FTO: variants seen among roughly 807,000 people sequenced by gnomAD.
FTO encodes FTO alpha-ketoglutarate dependent dioxygenase, also known as alpha-ketoglutarate-dependent dioxygenase FTO.
Under a neutral mutation model 63.9 loss-of-function variants are expected in FTO, and 47 were observed. The ratio of observed to expected loss-of-function variants is 0.74; its 90% CI spans 0.58 to 0.94. The LOEUF (loss-of-function observed/expected upper bound fraction) is 0.94. Among genes scored for constraint, FTO ranks in the 40% least tolerant of loss-of-function variants. FTO has a pLI of 0.00. For synonymous variants in FTO, 207 were observed against 224.4 expected, an observed-to-expected ratio of 0.92 and a Z score of 0.69; for missense variants, 562 against 618.1, an observed-to-expected ratio of 0.91 and a Z score of 0.96.
At position 53,790,579 on chromosome 16, in the gene FTO, C is replaced by CAAA. The variant is rs34860208; in HGVS notation, c.46-19542_46-19540dup. On this transcript the variant is annotated intron_variant, in intron 1 of 8. Transcript: ENST00000471389. ...TAAAGAAAACAAAACCAAAATAAAG[C>CAAA]AAAAAAAAAAAAAAAAAAAAAGGAG... Among the ~76,000 whole-genome samples the CAAA allele has an allele frequency of 4.4e-3, 240 of 55,170 alleles. 2 individuals carry two copies. The highest frequency in any genetic ancestry group is 0.017 in the African/African-American group (222 of 13,152). 36.2% of individuals were successfully genotyped at this position (55,170 alleles called of 152,430 possible). A position where few individuals can be genotyped will look rare whatever the true frequency, so the allele number is the denominator to read the frequency against.
chr16:54,063,255 C>A (rs993458618), intron 8 of FTO, among the ~76,000 whole-genome samples: 1 of 152,192 alleles, frequency 6.6e-6, no homozygotes. Context: ...TACTGCTGAA[C>A]TGCTGATGTT....
chr16:53,969,423 C>A (rs1260240370), intron 8 of FTO, among the ~76,000 whole-genome samples: 1 of 152,158 alleles, frequency 6.6e-6, no homozygotes, highest in East Asian at 1.9e-4. Context: ...CTAGATCAGA[C>A]ATGTAGACTA....
chr16:53,987,647 G>A (rs1331105464), intron 8 of FTO, among the ~76,000 whole-genome samples: 1 of 150,648 alleles, frequency 6.6e-6, no homozygotes, highest in Non-Finnish European at 1.5e-5. Flanking sequence ...CTATGGGTTT[G>A]TGCACACAGA....
intron 1 of FTO, among the ~76,000 whole-genome samples, chr16:53,763,627 C>A (rs747356720): frequency 6.6e-6 from 1 of 152,066 alleles, no homozygotes; most frequent in Non-Finnish European, 1.5e-5. Flanking sequence ...ATTATAGTGA[C>A]CTAAATTGGC....
rs73625206 is a variant in FTO at position 54,110,477 on chromosome 16, C to T, written c.1365-1285C>T. On this transcript the variant is annotated intron_variant, in intron 8 of 8. Transcript: ENST00000471389. Reference sequence around the variant, plus strand: ...ATATTAGAATGTTATGTGTAATGTACGACGGATTGAGTGCATAGGATGCCG... The same window carrying T: ...ATATTAGAATGTTATGTGTAATGTATGACGGATTGAGTGCATAGGATGCCG... 2.3e-3 allele frequency among the ~76,000 whole-genome samples: 345 copies of T among 152,226 alleles called. 2 individuals are homozygous for T. Among genetic ancestry groups the T allele is most frequent in the Middle Eastern group, 0.01 (3 of 294 alleles).
chr16:53,754,151 A>T (rs1211124716), intron 1 of FTO, among the ~76,000 whole-genome samples: 1 of 152,164 alleles, frequency 6.6e-6, no homozygotes, highest in Non-Finnish European at 1.5e-5. Context: ...ATGTAAACCC[A>T]TCCATTTGTA....
At chr16:53,768,265 T>G (rs901785749) in intron 1 of FTO, among the ~76,000 whole-genome samples, 18 of 152,268 alleles carry the variant, frequency 1.2e-4, no homozygotes, top group Admixed American at 3.3e-4. Context: ...CATATGAATT[T>G]TGACCATTTG....
At chr16:53,787,289 C>T (rs1025189657) in intron 1 of FTO, among the ~76,000 whole-genome samples, 5 of 151,346 alleles carry the variant, frequency 3.3e-5, no homozygotes, top group Non-Finnish European at 7.4e-5. Flanking sequence ...GTGAAAATGG[C>T]TCTGATGTTG....
intron 8 of FTO, chr16:53,998,910 G>A (rs1395484083): frequency 6.6e-6 from 1 of 152,198 alleles, no homozygotes; most frequent in Non-Finnish European, 1.5e-5. Context: ...TTTCTCCTGA[G>A]TTGTACAAAT....
rs1402579007 is a variant in FTO at position 53,797,026 on chromosome 16, GAATC to G, written c.46-13107_46-13104del. ...CATTTTCTCGAATTTTGCATAAATGGAATCAATCAAACAGTATGTGCTTTTGCAC... is the reference window on the plus strand; with the variant it reads ...CATTTTCTCGAATTTTGCATAAATGGAATCAAACAGTATGTGCTTTTGCAC... On this transcript the variant is annotated intron_variant, in intron 1 of 8. Transcript: ENST00000471389. 3.3e-5 allele frequency among the ~76,000 whole-genome samples: 5 copies of G among 152,088 alleles called. No individual in the cohort carries two copies. In the East Asian group the frequency reaches 9.6e-4, roughly 29 times the overall value.
chr16:53,778,426 G>T (rs796496351), intron 1 of FTO, among the ~76,000 whole-genome samples: 1 of 152,092 alleles, frequency 6.6e-6, no homozygotes, highest in Non-Finnish European at 1.5e-5. Context: ...AGTTTAGTTT[G>T]GTACCGCTGG....
intron 6 of FTO, among the ~76,000 whole-genome samples, chr16:53,887,152 C>T (rs2081021288): frequency 6.6e-6 from 1 of 152,190 alleles, no homozygotes; most frequent in Non-Finnish European, 1.5e-5. Flanking sequence ...AGAACAGCTT[C>T]AGGAATAGTT....
chr16:53,963,330 T>A (rs1405241181), intron 8 of FTO, among the ~76,000 whole-genome samples: 1 of 152,158 alleles, frequency 6.6e-6, no homozygotes, highest in African/African-American at 2.4e-5. Flanking sequence ...ATATTTGTGT[T>A]ATTGTTGGGG....
intron 6 of FTO, among the ~76,000 whole-genome samples, chr16:53,883,636 C>CAA (rs1202328126): frequency 1.7e-5 from 2 of 121,162 alleles, no homozygotes; most frequent in South Asian, 2.6e-4. Flanking sequence ...AAAAAAAAAA[C>CAA]AAAAAAAAAA....
intron 8 of FTO, among the ~76,000 whole-genome samples, chr16:54,066,603 C>G (rs2085740001): frequency 6.6e-6 from 1 of 152,206 alleles, no homozygotes; most frequent in East Asian, 1.9e-4. Flanking sequence ...CATGTGCTCA[C>G]CAGCCCATTG....
intron 8 of FTO, among the ~76,000 whole-genome samples, chr16:54,022,402 T>TG (rs2084622814): frequency 6.6e-6 from 1 of 152,208 alleles, no homozygotes; most frequent in Non-Finnish European, 1.5e-5. Context: ...GTCTTTTTTT[T>TG]TTAATGTCTG....
chr16:54,008,957 A>G (rs1197650603), intron 8 of FTO, among the ~76,000 whole-genome samples: 2 of 151,872 alleles, frequency 1.3e-5, no homozygotes, highest in Non-Finnish European at 2.9e-5. Context: ...GGTTGCAGTG[A>G]GCTATGATCA....
At chr16:53,841,786 A>G (rs1031537855) in intron 3 of FTO, among the ~76,000 whole-genome samples, 2 of 152,144 alleles carry the variant, frequency 1.3e-5, no homozygotes, top group Non-Finnish European at 2.9e-5. Context: ...CCCAGGGAAA[A>G]CATGCTTTAT....
intron 8 of FTO, among the ~76,000 whole-genome samples, chr16:53,960,481 A>G (rs531127586): frequency 6.6e-6 from 1 of 152,298 alleles, no homozygotes; most frequent in East Asian, 1.9e-4. Flanking sequence ...CATTTACTAG[A>G]CTTTCATTGT....
Sources: allele counts gnomAD v4.1 joint callset (sites outside exome capture counted in the v4.1 genomes callset), GRCh38; gene constraint gnomAD v4.1.1; transcripts MANE v1.5; gene names NCBI Gene and HGNC (gene_info 2026-07-23, HGNC 2026-07-21).